Variants in DMXL1 observed in about 807,000 individuals in gnomAD.
The protein encoded by DMXL1 is dmX-like protein 1.
DMXL1 carries 99 observed loss-of-function variants against 319.2 expected under a neutral mutation model. The observed-to-expected ratio is 0.31, with a 90% CI of 0.26 to 0.37. The LOEUF is 0.37. Among genes scored for constraint, DMXL1 ranks in the 10% least tolerant of loss-of-function variants. DMXL1 has a pLI of 1.00. For synonymous variants in DMXL1, 1,385 were observed against 1,235.2 expected (o/e 1.12, Z -2.54); for missense variants, 3,745 against 3,595.6 (o/e 1.04, Z -1.06).
chr5:119,228,356 C>T (rs1171890571), intron 38 of DMXL1, among the ~76,000 whole-genome samples: 1 of 152,130 alleles, frequency 6.6e-6, no homozygotes, highest in Non-Finnish European at 1.5e-5. Flanking sequence ...TTAACATGGC[C>T]ATGACTAAAG....
intron 39 of DMXL1, among the ~76,000 whole-genome samples, chr5:119,234,747 CT>C (rs2032810610): frequency 6.6e-6 from 1 of 152,078 alleles, no homozygotes; most frequent in East Asian, 1.9e-4. Flanking sequence ...ATCTCTATAC[CT>C]GAACCCTTAT....
chr5:119,228,776 T>G (rs1786090125), intron 38 of DMXL1, among the ~76,000 whole-genome samples: 1 of 152,080 alleles, frequency 6.6e-6, no homozygotes, highest in African/African-American at 2.4e-5. Context: ...TTTAAAACAC[T>G]TGATTATAGT....
intron 4 of DMXL1, among the ~76,000 whole-genome samples, chr5:119,106,056 C>T (rs1429550609): frequency 7.9e-5 from 12 of 152,074 alleles, no homozygotes; most frequent in African/African-American, 2.4e-5. Flanking sequence ...AATGGCTTGT[C>T]TATTGTTCCA....
intron 25 of DMXL1, among the ~76,000 whole-genome samples, chr5:119,172,363 C>G (rs550531607): frequency 6.6e-6 from 1 of 152,068 alleles, no homozygotes; most frequent in African/African-American, 2.4e-5. Context: ...CTAAAGAAAT[C>G]CACATTTTAA....
At chr5:119,241,289 T>G (rs188617471) in intron 42 of DMXL1, among the ~76,000 whole-genome samples, 10 of 152,224 alleles carry the variant, frequency 6.6e-5, no homozygotes, top group African/African-American at 2.2e-4. Context: ...CCCAGCACTT[T>G]GGGAGGCCAA....
chr5:119,096,251 G>C (rs576077290), intron 1 of DMXL1, among the ~76,000 whole-genome samples: 4 of 149,680 alleles, frequency 2.7e-5, no homozygotes, highest in African/African-American at 9.9e-5. Flanking sequence ...ATCTCAGCTT[G>C]CTGCAATCTC....
At chr5:119,171,477 C>A (rs905723862) in intron 24 of DMXL1, among the ~76,000 whole-genome samples, 197 bp downstream of exon 24, 25 of 151,802 alleles carry the variant, frequency 1.6e-4, no homozygotes, top group Admixed American at 5.9e-4. Flanking sequence ...AGTATCAGGC[C>A]TTATGACCTG....
chr5:119,156,937 C>T (rs890878266), intron 19 of DMXL1, among the ~76,000 whole-genome samples: 9 of 151,440 alleles, frequency 5.9e-5, no homozygotes, highest in South Asian at 4.1e-4. Context: ...AGATATCAAG[C>T]GCTTTTTTCA....
chr5:119,122,461 C>T (rs1466750990), intron 9 of DMXL1, among the ~76,000 whole-genome samples: 3 of 151,672 alleles, frequency 2.0e-5, no homozygotes, highest in Non-Finnish European at 4.4e-5. Flanking sequence ...CACCTCCCTC[C>T]CAGACGGGGT....
intron 33 of DMXL1, among the ~76,000 whole-genome samples, chr5:119,206,141 G>A (rs568805764): frequency 6.6e-6 from 1 of 152,070 alleles, no homozygotes; most frequent in South Asian, 2.1e-4. Flanking sequence ...TAAATAGAAA[G>A]TACAGACAAC....
At chr5:119,167,465 GTT>G (rs1260603436) in intron 22 of DMXL1, 136 bp from the exon 23 acceptor site, 1 of 716,822 alleles carries the variant, frequency 1.4e-6, no homozygotes, top group East Asian at 2.8e-5. Context: ...AGCAGCATAT[GTT>G]TTGTTTCTTA....
chr5:119,241,650 G>A (rs571427592), intron 42 of DMXL1, among the ~76,000 whole-genome samples: 103 of 151,798 alleles, frequency 6.8e-4, no homozygotes, highest in African/African-American at 2.4e-3. Context: ...GTAATGTCTT[G>A]ACTTTGGTCT....
In DMXL1 at chr5:119,197,878, C is replaced by A. The variant is rs749972783; in HGVS notation, c.7667C>A (p.Thr2556Asn). The change falls in exon 32 of 44, where the codon ACC (threonine) becomes AAC (asparagine). Residue 2556 changes from threonine to asparagine, a missense_variant. Around this residue, in one of 4 missense-constraint regions of DMXL1, gnomAD observed 1,382 missense variants for 1,269.5 expected, o/e 1.09. Transcript: ENST00000539542. ...GPPQNYIASH[T>N]AEESLSAGPA... is the part of the protein sequence containing the mutation. The stretch of plus-strand genomic sequence containing the variant: ...CCTCAAAATTATATCGCAAGTCATA[C>A]CGCCGAAGAGAGTTTGTCTGCAGGT... 3 of 1,614,200 alleles carry A rather than the reference C, an allele frequency of 1.9e-6. No individual in the cohort carries two copies. Among genetic ancestry groups the A allele is most frequent in the Middle Eastern group, 3.3e-4 (2 of 6,062 alleles).
At position 119,147,463 on chromosome 5, in the gene DMXL1, A is replaced by G. The variant is rs753943653; in HGVS notation, c.2904A>G (p.Pro968=). The change falls in exon 17 of 44, where the codon CCA becomes CCG. Residue 968 remains proline, a synonymous_variant. Transcript: ENST00000539542. ...GAGTTGAGATAATAAGTATTAAGCC[A>G]TCAGCAGGTTTGTAAATTTTATGAA... The part of the protein sequence containing the change: ...PEGVEIISIK[P]SAGHLSSSSI... The G allele has an allele frequency of 5.0e-6, 8 of 1,610,286 alleles. No homozygotes were observed. Among genetic ancestry groups the G allele is most frequent in the East Asian group, 2.2e-5 (1 of 44,824 alleles).
At position 119,122,236 on chromosome 5, in the gene DMXL1, C is replaced by T. The variant is rs561962830; in HGVS notation, c.1102+1097C>T. Reference sequence around the variant, plus strand: ...CCGGGCAGAGGCGCCCCTCACCTCCCGGACGGGGCGGCTGGCTGGGCGGGG... The same window carrying T: ...CCGGGCAGAGGCGCCCCTCACCTCCTGGACGGGGCGGCTGGCTGGGCGGGG... On this transcript the variant is annotated intron_variant, in intron 9 of 43. Transcript: ENST00000539542. Among the ~76,000 whole-genome samples the T allele has an allele frequency of 4.0e-4, 56 of 140,382 alleles. No homozygotes were observed. The East Asian group carries it at 0.011, about 27-fold the overall frequency. 92.1% of individuals were successfully genotyped at this position (140,382 alleles called of 152,430 possible).
At position 119,146,478 on chromosome 5, in the gene DMXL1, G is replaced by T. The variant is rs1040369883; in HGVS notation, c.2570-359G>T. On this transcript the variant is annotated intron_variant, in intron 15 of 43. Transcript: ENST00000539542. ...TATAGAACTTATTCATTTGAAAAAT[G>T]TTTGGCACCACCATTTCATCATGAT... 4.6e-5 allele frequency among the ~76,000 whole-genome samples: 7 copies of T among 151,904 alleles called. No individual in the cohort carries two copies. In the South Asian group the frequency reaches 1.4e-3, roughly 31 times the overall value.
At chr5:119,147,120 T>C (rs917217371) in intron 16 of DMXL1, 129 bp from the exon 17 acceptor site, 1 of 1,122,422 alleles carries the variant, frequency 8.9e-7, no homozygotes, top group African/African-American at 1.6e-5. Context: ...TTTCTTTCTG[T>C]GAAGAATCAT....
At chr5:119,157,719 T>G (rs530891435) in intron 19 of DMXL1, among the ~76,000 whole-genome samples, 9 of 152,206 alleles carry the variant, frequency 5.9e-5, no homozygotes, top group Non-Finnish European at 1.2e-4. Flanking sequence ...TTGGTTACCC[T>G]AGCTTTGTAA....
chr5:119,219,177 G>GA (rs1448360112), intron 35 of DMXL1, among the ~76,000 whole-genome samples: 1 of 152,180 alleles, frequency 6.6e-6, no homozygotes, highest in Non-Finnish European at 1.5e-5. Context: ...AGGGCCAGAT[G>GA]ATACCTACCT....
Sources: allele counts gnomAD v4.1 joint callset (sites outside exome capture counted in the v4.1 genomes callset), GRCh38; gene constraint gnomAD v4.1.1; regional missense constraint gnomAD v4.1.1; transcripts MANE v1.5; gene names NCBI Gene and HGNC (gene_info 2026-07-23, HGNC 2026-07-21).